Variants in ZBBX observed in about 807,000 individuals in gnomAD.
ZBBX encodes the protein zinc finger B-box domain-containing protein 1.
Under a neutral mutation model 108.5 loss-of-function variants are expected in ZBBX, and 101 were observed. That is an observed-to-expected ratio of 0.93 (90% CI 0.79 to 1.10). The LOEUF (loss-of-function observed/expected upper bound fraction) is 1.10. Ranked by LOEUF, ZBBX falls within the 50% of genes least tolerant of loss-of-function variation. The pLI is 0.00. For synonymous variants in ZBBX, 356 were observed against 323.4 expected, an observed-to-expected ratio of 1.10 and a Z score of -1.08; for missense variants, 1,009 against 941.4, an observed-to-expected ratio of 1.07 and a Z score of -0.94.
chr3:167,210,272 C>T, the ZBBX span, among the ~76,000 whole-genome samples: 1 of 151,878 alleles, frequency 6.6e-6, no homozygotes, highest in Non-Finnish European at 1.5e-5. Context: ...CTAAAGAATG[C>T]ATCAGCATCC....
intron 8 of ZBBX, among the ~76,000 whole-genome samples, chr3:167,356,353 C>G (rs1280807677): frequency 6.6e-6 from 1 of 151,960 alleles, no homozygotes; most frequent in Non-Finnish European, 1.5e-5. Context: ...GGGGGTTTTA[C>G]ATTTAATATT....
the ZBBX span, among the ~76,000 whole-genome samples, chr3:167,212,158 C>G: frequency 9.9e-5 from 15 of 152,270 alleles, 1 homozygote; most frequent in Admixed American, 3.3e-4. Flanking sequence ...TGTTTTGCAG[C>G]CTTCACTGGT....
At chr3:167,309,212 C>T (rs1225190964) in intron 16 of ZBBX, among the ~76,000 whole-genome samples, 1 of 152,212 alleles carries the variant, frequency 6.6e-6, no homozygotes, top group East Asian at 1.9e-4. Flanking sequence ...ACTGCCTTTG[C>T]CACTGCTGTA....
chr3:167,249,580 T>C (rs188005359), intron 20 of ZBBX, among the ~76,000 whole-genome samples: 60 of 152,240 alleles, frequency 3.9e-4, no homozygotes, highest in African/African-American at 1.3e-3. Context: ...CCTAGTAAGG[T>C]CCAGGTCCCC....
At chr3:167,363,138 T>C (rs574383829) in intron 6 of ZBBX, among the ~76,000 whole-genome samples, 1 of 152,066 alleles carries the variant, frequency 6.6e-6, no homozygotes, top group South Asian at 2.1e-4. Flanking sequence ...AATCACCTTA[T>C]CTCTTCCTTC....
At chr3:167,247,455 T>C (rs1177398191) in intron 20 of ZBBX, among the ~76,000 whole-genome samples, 1 of 152,106 alleles carries the variant, frequency 6.6e-6, no homozygotes, top group East Asian at 1.9e-4. Context: ...TTTGCACTCA[T>C]TCTCAAAGAC....
At chr3:167,221,690 T>C in the ZBBX span, among the ~76,000 whole-genome samples, 2 of 151,732 alleles carry the variant, frequency 1.3e-5, no homozygotes, top group South Asian at 4.1e-4. Flanking sequence ...TTTAAAAAGC[T>C]TCGCACAGAA....
At chr3:167,372,135 C>A (rs965628510) in intron 4 of ZBBX, among the ~76,000 whole-genome samples, 2 of 151,968 alleles carry the variant, frequency 1.3e-5, no homozygotes, top group Admixed American at 6.6e-5. Flanking sequence ...TGCCTGAGGC[C>A]GGGAGGTGGA....
At chr3:167,248,887 CAGT>C (rs1560021399) in intron 20 of ZBBX, among the ~76,000 whole-genome samples, 1 of 152,220 alleles carries the variant, frequency 6.6e-6, no homozygotes, top group African/African-American at 2.4e-5. Context: ...CATACTGCAT[CAGT>C]ATCCATGGCC....
chr3:167,402,010 C>T lies in ZBBX; in HGVS notation c.-446+5716G>A, dbSNP rs745533623. 9.9e-5 allele frequency among the ~76,000 whole-genome samples: 15 copies of T among 152,034 alleles called. No homozygotes were observed. In the South Asian group the frequency reaches 1.0e-3, roughly 11 times the overall value. The stretch of plus-strand genomic sequence containing the variant: ...AGATCTGGCAGGTCTGGATGCAGGA[C>T]GAGCAGAAGAATGGTCAAGACCCAG... On this transcript the variant is annotated intron_variant, in intron 1 of 21. Transcript: ENST00000455345.
chr3:167,259,108 CT>C (rs139993953), intron 20 of ZBBX, among the ~76,000 whole-genome samples: 108,134 of 151,740 alleles, frequency 0.71, 38,777 homozygotes, highest in East Asian at 0.83. Context: ...GTCATGGACC[CT>C]TTTTTTTGAT....
upstream of ZBBX, among the ~76,000 whole-genome samples, chr3:167,384,917 T>A (rs1747860633): frequency 6.6e-6 from 1 of 152,052 alleles, no homozygotes; most frequent in South Asian, 2.1e-4. Flanking sequence ...ATTGCCAATA[T>A]CAACATTCCT....
At chr3:167,315,890 A>C (rs181152755) in intron 14 of ZBBX, 61 bp from the exon 15 acceptor site, 3 of 1,042,108 alleles carry the variant, frequency 2.9e-6, no homozygotes, top group Admixed American at 2.2e-5. Context: ...CACATTAACC[A>C]ACTTACTTAT....
At chr3:167,317,667 G>T (rs1049749341) in intron 12 of ZBBX, 70 bp from the exon 13 acceptor site, 1 of 986,436 alleles carries the variant, frequency 1.0e-6, no homozygotes, top group Non-Finnish European at 1.5e-6. Context: ...ACAAGCTCTT[G>T]ATTTATTTAT....
upstream of ZBBX, among the ~76,000 whole-genome samples, chr3:167,382,621 A>G (rs1473979302): frequency 6.6e-6 from 1 of 152,170 alleles, no homozygotes; most frequent in East Asian, 1.9e-4. Flanking sequence ...AGGGTCAGGG[A>G]CTGTAAACAA....
chr3:167,242,663 G>T lies in ZBBX; in HGVS notation c.2255-20C>A. On this transcript the variant is annotated intron_variant, in intron 20 of 21. Transcript: ENST00000675490. ...AAGTATCTGAAATATTTTATTTCAT[G>T]CATTGTCAAAACATAAATTCAAGAA... is the stretch of plus-strand genomic sequence containing the variant. 6.2e-7 allele frequency: 1 copy of T among 1,602,386 alleles called. No homozygotes were observed.
intron 1 of ZBBX, among the ~76,000 whole-genome samples, chr3:167,399,082 G>A (rs1218776847): frequency 1.3e-5 from 2 of 151,500 alleles, no homozygotes; most frequent in Admixed American, 1.3e-4. Context: ...GCTCTCACCG[G>A]ATGCAGACAC....
chr3:167,265,952 G>A (rs186138029), intron 20 of ZBBX, among the ~76,000 whole-genome samples: 2 of 152,340 alleles, frequency 1.3e-5, no homozygotes, highest in East Asian at 1.9e-4. Context: ...ACACTCCAGG[G>A]TTGCTGCCAG....
chr3:167,331,790 A>T (rs1228805523), intron 10 of ZBBX, among the ~76,000 whole-genome samples: 1 of 152,118 alleles, frequency 6.6e-6, no homozygotes, highest in African/African-American at 2.4e-5. Context: ...TAATATCCCC[A>T]CTTTCCAAAG....
Sources: gnomAD v4.1 joint callset for allele counts (sites outside exome capture counted in the v4.1 genomes callset) on GRCh38, gnomAD v4.1.1 for gene constraint, MANE v1.5 for transcripts, NCBI Gene and HGNC (gene_info 2026-07-23, HGNC 2026-07-21) for gene names.